The following ELMO1 variants were observed in gnomAD, a reference collection of about 807,000 sequenced individuals.
The protein encoded by ELMO1 is engulfment and cell motility protein 1.
In ELMO1, 26 loss-of-function variants were observed where a neutral mutation model predicts 98.9. The ratio of observed to expected loss-of-function variants is 0.26; its 90% CI spans 0.19 to 0.36. ELMO1 has a LOEUF of 0.36. Ranked by LOEUF, ELMO1 falls within the 10% of genes least tolerant of loss-of-function variation. The pLI is 1.00. For synonymous variants in ELMO1, 346 were observed against 346.0 expected (o/e 1.00, Z 0.00); for missense variants, 627 against 935.2 (o/e 0.67, Z 4.30).
chr7:36,884,724 T>C (rs1031641594), intron 18 of ELMO1, among the ~76,000 whole-genome samples: 2 of 152,236 alleles, frequency 1.3e-5, no homozygotes, highest in East Asian at 3.8e-4. Context: ...GGGGACCTGC[T>C]AGCCAAACGT....
In ELMO1 at chr7:36,951,344, A is replaced by G. The variant is rs78460246; in HGVS notation, c.1438-56327T>C. Among the ~76,000 whole-genome samples the G allele has an allele frequency of 9.5e-3, 1,443 of 152,272 alleles. 30 individuals are homozygous for G. Among genetic ancestry groups the G allele is most frequent in the African/African-American group, 0.033 (1,359 of 41,552 alleles). ...GATTTAATCCCTGCCCACATCACCA[A>G]CACTTGGCTCCGGCCAAAATGGTCT... On this transcript the variant is annotated intron_variant, in intron 16 of 21. Transcript: ENST00000310758.
chr7:37,377,611 G>A (rs759725657), intron 1 of ELMO1, among the ~76,000 whole-genome samples: 4 of 152,088 alleles, frequency 2.6e-5, no homozygotes. Flanking sequence ...CTTTTCTCCT[G>A]GCATTCAATT....
chr7:36,883,162 T>A (rs540721503), intron 18 of ELMO1, among the ~76,000 whole-genome samples: 1 of 152,126 alleles, frequency 6.6e-6, no homozygotes, highest in South Asian at 2.1e-4. Flanking sequence ...TTGCCCAACA[T>A]TGAGTTCCAA....
rs1234105046 is a variant in ELMO1, at chr7:36,943,658, A to G, written c.1438-48641T>C. ...TTAATGCTTCGAATAAGTGAAGTGTATTATATGCCTCTAAATAGTTCATTC... is the reference window on the plus strand; with the variant it reads ...TTAATGCTTCGAATAAGTGAAGTGTGTTATATGCCTCTAAATAGTTCATTC... On this transcript the variant is annotated intron_variant, in intron 16 of 21. Coordinates refer to ENST00000310758, the MANE Select transcript of ELMO1 (RefSeq NM_014800.11). 2.0e-5 allele frequency among the ~76,000 whole-genome samples: 3 copies of G among 152,254 alleles called. 1 individual carries two copies. Among genetic ancestry groups the G allele is most frequent in the Admixed American group, 2.0e-4 (3 of 15,284 alleles).
Position 37,214,417 on chromosome 7 carries a change from T to G in ELMO1, c.832-960A>C, listed in dbSNP as rs1584819498. Reference sequence around the variant, plus strand: ...AACTTCTAAGTGGCCGTTCAGTAAATGACAAAGCTCCCCATTGTAGAGAAA... The same window carrying G: ...AACTTCTAAGTGGCCGTTCAGTAAAGGACAAAGCTCCCCATTGTAGAGAAA... On this transcript the variant is annotated intron_variant, in intron 11 of 21. Transcript: ENST00000310758. Among the ~76,000 whole-genome samples, 3 of 152,122 alleles carry G rather than the reference T, an allele frequency of 2.0e-5. No individual in the cohort carries two copies. The East Asian group carries it at 5.8e-4, about 29-fold the overall frequency.
At chr7:37,209,417 A>G (rs1792831761) in intron 13 of ELMO1, among the ~76,000 whole-genome samples, 1 of 152,216 alleles carries the variant, frequency 6.6e-6, no homozygotes, top group Non-Finnish European at 1.5e-5. Flanking sequence ...GCACATGGAA[A>G]GAATTCAGGT....
intron 2 of ELMO1, among the ~76,000 whole-genome samples, chr7:37,341,036 G>A (rs1800685288): frequency 6.6e-6 from 1 of 152,222 alleles, no homozygotes; most frequent in Non-Finnish European, 1.5e-5. Flanking sequence ...GTCTCAGATT[G>A]AACTACACAC....
chr7:37,010,123 A>C (rs1793442842), intron 16 of ELMO1, among the ~76,000 whole-genome samples: 1 of 152,226 alleles, frequency 6.6e-6, no homozygotes, highest in Non-Finnish European at 1.5e-5. Flanking sequence ...GAAAAGGGAC[A>C]TAATTATATC....
intron 1 of ELMO1, among the ~76,000 whole-genome samples, chr7:37,419,040 C>G (rs552790689): frequency 4.6e-5 from 7 of 152,230 alleles, no homozygotes; most frequent in African/African-American, 1.7e-4. Flanking sequence ...CTCCTACCCC[C>G]CAGGACTGAG....
intron 13 of ELMO1, among the ~76,000 whole-genome samples, chr7:37,156,754 A>T (rs1788796300): frequency 6.6e-6 from 1 of 152,252 alleles, no homozygotes; most frequent in Admixed American, 6.5e-5. Context: ...AGGAGCTGGT[A>T]CCATTTTTTC....
chr7:37,158,738 C>T (rs185010556), intron 13 of ELMO1, among the ~76,000 whole-genome samples: 1 of 152,346 alleles, frequency 6.6e-6, no homozygotes, highest in East Asian at 1.9e-4. Flanking sequence ...TTGTGGAAGA[C>T]AGTGTGGCGA....
chr7:37,275,173 C>T (rs773427557), intron 4 of ELMO1, among the ~76,000 whole-genome samples: 3 of 152,164 alleles, frequency 2.0e-5, no homozygotes, highest in African/African-American at 4.8e-5. Flanking sequence ...GTTCATCAGT[C>T]GCTCAACATA....
chr7:36,873,098 C>T (rs1803662931), intron 19 of ELMO1, among the ~76,000 whole-genome samples: 1 of 152,078 alleles, frequency 6.6e-6, no homozygotes, highest in Non-Finnish European at 1.5e-5. Flanking sequence ...GTCCCTTGTC[C>T]TAGAGACCAG....
At chr7:37,280,232 C>G (rs1488615408) in intron 4 of ELMO1, among the ~76,000 whole-genome samples, 2 of 152,164 alleles carry the variant, frequency 1.3e-5, no homozygotes, top group Non-Finnish European at 2.9e-5. Context: ...AACGTAAGAC[C>G]TGAAACTATA....
intron 3 of ELMO1, among the ~76,000 whole-genome samples, chr7:37,315,518 C>T (rs1799108130): frequency 2.0e-5 from 3 of 152,180 alleles, no homozygotes; most frequent in South Asian, 2.1e-4. Context: ...TGAGATCCCA[C>T]GGAGCAGCAC....
chr7:37,023,622 T>C (rs1288553093), intron 15 of ELMO1, among the ~76,000 whole-genome samples: 4 of 152,276 alleles, frequency 2.6e-5, no homozygotes, highest in South Asian at 2.1e-4. Flanking sequence ...ATTTTGTTTT[T>C]TTTGAGATGG....
intron 1 of ELMO1, among the ~76,000 whole-genome samples, chr7:37,397,502 A>T (rs1172264451): frequency 5.3e-5 from 8 of 152,222 alleles, no homozygotes; most frequent in Non-Finnish European, 7.3e-5. Flanking sequence ...GTGAAGATGC[A>T]GCTGGACCCC....
intron 4 of ELMO1, among the ~76,000 whole-genome samples, chr7:37,292,710 G>GCCA (rs1797777221): frequency 1.1e-5 from 1 of 91,758 alleles, no homozygotes; most frequent in Non-Finnish European, 2.5e-5. Flanking sequence ...GTCTCCGCCC[G>GCCA]GCAGCCGCCC....
At chr7:37,008,120 C>A (rs1044203446) in intron 16 of ELMO1, among the ~76,000 whole-genome samples, 3 of 152,208 alleles carry the variant, frequency 2.0e-5, no homozygotes, top group Admixed American at 6.5e-5. Flanking sequence ...GAAAGTATGG[C>A]ACAATCATCT....
Sources: gnomAD v4.1 joint callset for allele counts (sites outside exome capture counted in the v4.1 genomes callset) on GRCh38, gnomAD v4.1.1 for gene constraint, MANE v1.5 for transcripts, NCBI Gene and HGNC (gene_info 2026-07-23, HGNC 2026-07-21) for gene names.